The following NFYB variants were observed in gnomAD, a reference collection of about 807,000 sequenced individuals.
The protein encoded by NFYB is CAAT box DNA-binding protein subunit B.
A neutral mutation model predicts 28.0 loss-of-function variants in NFYB; 13 were observed. That is an observed-to-expected ratio of 0.46 (90% CI 0.30 to 0.74). The LOEUF is 0.74. Among genes scored for constraint, NFYB ranks in the 30% least tolerant of loss-of-function variants. NFYB has a pLI of 0.07. For synonymous variants in NFYB, 74 were observed against 75.0 expected, an observed-to-expected ratio of 0.99 and a Z score of 0.07; for missense variants, 142 against 247.6, an observed-to-expected ratio of 0.57 and a Z score of 2.86.
chr12:104,134,681 G>A (rs1230231867), intron 2 of NFYB, among the ~76,000 whole-genome samples: 4 of 152,260 alleles, frequency 2.6e-5, no homozygotes, highest in Non-Finnish European at 5.9e-5. Context: ...GACTTCACAT[G>A]AGCAGATCGC....
chr12:104,126,466 T>C (rs1489751711), intron 3 of NFYB, among the ~76,000 whole-genome samples: 1 of 152,206 alleles, frequency 6.6e-6, no homozygotes, highest in Non-Finnish European at 1.5e-5. Context: ...TATCCTCAAA[T>C]ATACCTGCTA....
At chr12:104,126,389 A>G (rs1465245923) in intron 3 of NFYB, 145 bp from the exon 4 acceptor site, 1 of 574,534 alleles carries the variant, frequency 1.7e-6, no homozygotes, top group Non-Finnish European at 2.6e-6. Context: ...GTCTCTTCAT[A>G]ATTTTTACAG....
intron 2 of NFYB, chr12:104,131,622 AAAAAAAC>A (rs1365963929): frequency 2.6e-6 from 1 of 391,476 alleles, no homozygotes; most frequent in African/African-American, 2.1e-5. Flanking sequence ...AGAATGATGG[AAAAAAAC>A]TTGCTAGATG....
In NFYB at chr12:104,126,422, T is replaced by A. The variant is rs188044803; in HGVS notation, c.101-178A>T. On this transcript the variant is annotated intron_variant, in intron 3 of 7. Transcript: ENST00000240055. ...CAGAGCCAGAACTGAACTTTTTTTT[T>A]ATTAATTTCAGACTCACTGCCTAGA... 1.3e-3 allele frequency among the ~76,000 whole-genome samples: 194 copies of A among 152,286 alleles called. 2 individuals are homozygous for A. The highest frequency in any genetic ancestry group is 4.6e-3 in the African/African-American group (190 of 41,568).
chr12:104,123,925 T>G (rs1049323877), intron 4 of NFYB, among the ~76,000 whole-genome samples: 2 of 152,070 alleles, frequency 1.3e-5, no homozygotes, highest in African/African-American at 4.8e-5. Flanking sequence ...TGAGCCACTG[T>G]ACTCCAGGCC....
In NFYB at chr12:104,126,014, A is replaced by G. The variant is rs1260245345; in HGVS notation, c.231+100T>C. The G allele has an allele frequency of 5.7e-6, 7 of 1,235,298 alleles. No homozygotes were observed. The African/African-American group carries it at 9.3e-5, about 16-fold the overall frequency. 76.5% of individuals were successfully genotyped at this position (1,235,298 alleles called of 1,614,324 possible). A position where few individuals can be genotyped will look rare whatever the true frequency, so the allele number is the denominator to read the frequency against. On this transcript the variant is annotated intron_variant, in intron 4 of 7. Transcript: ENST00000240055. ...AAATATTTGATTTGCTGAAAGCCTGAATGATTGAAATCAACAGCTAACTGT... is the reference window on the plus strand; with the variant it reads ...AAATATTTGATTTGCTGAAAGCCTGGATGATTGAAATCAACAGCTAACTGT...
chr12:104,122,168 A>G (rs895182982), intron 5 of NFYB, among the ~76,000 whole-genome samples: 1 of 152,294 alleles, frequency 6.6e-6, no homozygotes, highest in Admixed American at 6.5e-5. Flanking sequence ...ATTTAGTACC[A>G]TCCATAATTC....
rs2030369415 is a variant in NFYB, at chr12:104,119,092, A to G, written c.*645T>C. The G allele has an allele frequency of 6.6e-6, 1 of 152,586 alleles. No individual in the cohort carries two copies. Among genetic ancestry groups the G allele is most frequent in the African/African-American group, 2.4e-5 (1 of 41,456 alleles). The allele number at this position is 152,586 out of a possible 1,614,324, so 9.5% of individuals were successfully genotyped here. ...CATTAACAGGCACGATGAACAGTGT[A>G]AACACTGTTAATGGGCACCAAGTTT... On this transcript the variant is annotated 3_prime_UTR_variant, in exon 8 of 8. Coordinates refer to ENST00000240055, the MANE Select transcript of NFYB (RefSeq NM_006166.4).
Position 104,119,763 on chromosome 12 carries a change from C to T in NFYB, c.598G>A (p.Gly200Ser). 6.3e-7 allele frequency: 1 copy of T among 1,599,142 alleles called. No homozygotes were observed. The highest frequency in any genetic ancestry group is 8.6e-7 in the Non-Finnish European group (1 of 1,168,180). The change falls in exon 8 of 8, where the codon GGT (glycine) becomes AGT (serine). Residue 200 changes from glycine to serine, a missense_variant. Physicochemically the swap from Gly to Ser is moderately conservative, Grantham distance 56 (BLOSUM62 0). Around this residue, in one of 2 missense-constraint regions of NFYB, gnomAD observed 88 missense variants for 189.5 expected, o/e 0.46. Coordinates refer to ENST00000240055, the MANE Select transcript of NFYB (RefSeq NM_006166.4). ...CATGAAAACTGAATTTGCTGAACAC[C>T]AGAAATCTAAGATTAGAAAATTTAA... ...VYTTSYQQISGVQQIQFS is the reference protein window; with the variant it reads ...VYTTSYQQISSVQQIQFS
At position 104,117,536 on chromosome 12, in the gene NFYB, G is replaced by C. The variant is rs1048025774; in HGVS notation, c.*2201C>G. On this transcript the variant is annotated 3_prime_UTR_variant, in exon 8 of 8. Coordinates refer to ENST00000240055, the MANE Select transcript of NFYB (RefSeq NM_006166.4). ...GGGATAATGCCTCAGCCACCAGGGAGTAAGGGACTACAGGTGTGCACCACC... is the reference window on the plus strand; with the variant it reads ...GGGATAATGCCTCAGCCACCAGGGACTAAGGGACTACAGGTGTGCACCACC... The C allele has an allele frequency of 2.0e-5, 3 of 152,144 alleles. No individual in the cohort carries two copies. The highest frequency in any genetic ancestry group is 2.9e-5 in the Non-Finnish European group (2 of 68,050). The allele number at this position is 152,144 out of a possible 1,614,324, so 9.4% of individuals were successfully genotyped here.
chr12:104,136,227 CTG>C (rs1389247312), intron 1 of NFYB, among the ~76,000 whole-genome samples: 1 of 152,170 alleles, frequency 6.6e-6, no homozygotes, highest in Non-Finnish European at 1.5e-5. Context: ...GTACCAATTG[CTG>C]TGTTACAAGT....
intron 2 of NFYB, among the ~76,000 whole-genome samples, chr12:104,132,404 TA>T (rs72258386): frequency 0.092 from 13,413 of 146,574 alleles, 856 homozygotes; most frequent in Admixed American, 0.18. Flanking sequence ...CAAATCACAT[TA>T]AAAAAAAAAA....
intron 2 of NFYB, among the ~76,000 whole-genome samples, chr12:104,128,966 C>G (rs1002978457): frequency 2.0e-5 from 3 of 152,266 alleles, no homozygotes; most frequent in African/African-American, 7.2e-5. Context: ...CCGCAACCAG[C>G]CTATATTTCT....
intron 2 of NFYB, among the ~76,000 whole-genome samples, chr12:104,135,126 A>G (rs1333775436): frequency 6.6e-6 from 1 of 152,114 alleles, no homozygotes; most frequent in Non-Finnish European, 1.5e-5. Flanking sequence ...TTCTTCCCAT[A>G]TCTACTGCAC....
chr12:104,121,216 GA>G (rs759059159), intron 6 of NFYB, 23 bp downstream of exon 6: 1 of 1,565,186 alleles, frequency 6.4e-7, no homozygotes, highest in South Asian at 1.1e-5. Flanking sequence ...CAATCTACAT[GA>G]CTTGTATTAT....
At chr12:104,132,983 T>C (rs1323556774) in intron 2 of NFYB, among the ~76,000 whole-genome samples, 1 of 152,228 alleles carries the variant, frequency 6.6e-6, no homozygotes, top group Admixed American at 6.5e-5. Flanking sequence ...TTAATGACTA[T>C]TCTCATTATT....
Position 104,120,561 on chromosome 12 carries a change from G to C in NFYB, c.512-82C>G, listed in dbSNP as rs535656032. 26 of 920,014 alleles carry C rather than the reference G, an allele frequency of 2.8e-5. No homozygotes were observed. In the African/African-American group the frequency reaches 4.1e-4, roughly 14 times the overall value. 57.0% of individuals were successfully genotyped at this position (920,014 alleles called of 1,614,324 possible). ...TGTATCTTAAGGTTGTACCATTAAT[G>C]TCTCATTACAATTCTGCCCGGTATC... On this transcript the variant is annotated intron_variant, in intron 6 of 7. Transcript: ENST00000240055.
chr12:104,136,182 G>T (rs1163408999), intron 1 of NFYB, among the ~76,000 whole-genome samples: 2 of 152,156 alleles, frequency 1.3e-5, no homozygotes, highest in African/African-American at 4.8e-5. Context: ...TAGCACTTCA[G>T]TCTCACTGTA....
intron 1 of NFYB, chr12:104,137,903 A>G (rs1371065772): frequency 1.4e-5 from 2 of 145,614 alleles, no homozygotes; most frequent in Non-Finnish European, 3.1e-5. Flanking sequence ...GCCGCTCCTC[A>G]GCCCGGCGCA....
Sources: gnomAD v4.1 joint callset for allele counts (sites outside exome capture counted in the v4.1 genomes callset) on GRCh38, gnomAD v4.1.1 for gene constraint, gnomAD v4.1.1 regional missense constraint, MANE v1.5 for transcripts, NCBI Gene and HGNC (gene_info 2026-07-23, HGNC 2026-07-21) for gene names.